Variants in USP33 observed in about 807,000 individuals in gnomAD.
USP33 encodes ubiquitin carboxyl-terminal hydrolase 33.
In USP33, 46 loss-of-function variants were observed where a neutral mutation model predicts 124.2. The ratio of observed to expected loss-of-function variants is 0.37; its 90% CI spans 0.29 to 0.47. The LOEUF (loss-of-function observed/expected upper bound fraction) is 0.47. Among genes scored for constraint, USP33 ranks in the 20% least tolerant of loss-of-function variants. USP33 has a pLI of 0.99. For missense variants in USP33, 851 were observed against 1,070.6 expected (o/e 0.79, Z 2.86); for synonymous variants, 350 against 352.3 (o/e 0.99, Z 0.07).
intron 19 of USP33, 22 bp from the exon 20 acceptor site, chr1:77,713,303 T>G: frequency 6.4e-7 from 1 of 1,551,922 alleles, no homozygotes. Flanking sequence ...TATAAACATA[T>G]CTGTTTCATG....
rs1422663979 is a variant in USP33, at chr1:77,701,443, G to T, written c.2435C>A (p.Ser812Tyr). ...ACTGATGCAATAAAAAGTAGCTGGAGAGTCCTCTTTTTGGAACGCTCTGTT... is the reference window on the plus strand; with the variant it reads ...ACTGATGCAATAAAAAGTAGCTGGATAGTCCTCTTTTTGGAACGCTCTGTT... ...RLNRAFQKEDSPATFYCISMQ... is the reference protein window; with the variant it reads ...RLNRAFQKEDYPATFYCISMQ... The change falls in exon 22 of 24, where the codon TCT becomes TAT. Residue 812 changes from serine (S) to tyrosine (Y), a missense_variant. Coordinates refer to ENST00000370794, the MANE Select transcript of USP33 (RefSeq NM_201624.3). The T allele has an allele frequency of 6.2e-7, 1 of 1,612,860 alleles. No individual in the cohort carries two copies. The highest frequency in any genetic ancestry group is 1.7e-5 in the Admixed American group (1 of 59,760).
At chr1:77,709,457 G>C (rs1474510853) in intron 21 of USP33, among the ~76,000 whole-genome samples, 2 of 152,024 alleles carry the variant, frequency 1.3e-5, no homozygotes, top group Admixed American at 1.3e-4. Context: ...CAAGGTTACA[G>C]TGAACTATGA....
At chr1:77,712,986 T>C (rs1675439345) in intron 20 of USP33, among the ~76,000 whole-genome samples, 1 of 152,248 alleles carries the variant, frequency 6.6e-6, no homozygotes, top group Non-Finnish European at 1.5e-5. Flanking sequence ...TACCACAGCA[T>C]ACCTTCACAG....
chr1:77,733,934 T>C (rs539555177), intron 7 of USP33, among the ~76,000 whole-genome samples: 21 of 152,128 alleles, frequency 1.4e-4, no homozygotes, highest in Non-Finnish European at 2.8e-4. Context: ...ACTCAATGCA[T>C]CCAAACTTGA....
At chr1:77,727,025 A>C (rs1424344857) in intron 10 of USP33, among the ~76,000 whole-genome samples, 1 of 152,224 alleles carries the variant, frequency 6.6e-6, no homozygotes, top group African/African-American at 2.4e-5. Context: ...ATAATGCAAA[A>C]TCATTTTTCA....
chr1:77,708,481 G>A (rs1361420054), intron 21 of USP33, among the ~76,000 whole-genome samples: 1 of 152,144 alleles, frequency 6.6e-6, no homozygotes, highest in Non-Finnish European at 1.5e-5. Flanking sequence ...GCGTCCTCTT[G>A]AATAATTCAC....
chr1:77,701,551 G>T, intron 21 of USP33, 80 bp from the exon 22 acceptor site: 1 of 1,190,566 alleles, frequency 8.4e-7, no homozygotes, highest in Non-Finnish European at 1.2e-6. Flanking sequence ...CCACTTCAGT[G>T]TTTGATAACT....
intron 1 of USP33, among the ~76,000 whole-genome samples, chr1:77,748,542 G>A (rs1362733155): frequency 2.0e-5 from 3 of 151,834 alleles, no homozygotes; most frequent in South Asian, 2.1e-4. Flanking sequence ...GGTGGCAGGC[G>A]CCTGTAGTCC....
chr1:77,749,642 A>G (rs1241692557), intron 1 of USP33, among the ~76,000 whole-genome samples: 3 of 152,276 alleles, frequency 2.0e-5, no homozygotes, highest in East Asian at 3.9e-4. Flanking sequence ...TCAGCCTCCC[A>G]AAGTGCCGGA....
intron 1 of USP33, chr1:77,746,262 A>C (rs1342440047): frequency 1.3e-5 from 2 of 152,238 alleles, no homozygotes; most frequent in Non-Finnish European, 2.9e-5. Context: ...ACCTCTACGC[A>C]AATAAACCAG....
chr1:77,705,166 A>G (rs1399568893), intron 21 of USP33, among the ~76,000 whole-genome samples: 1 of 150,568 alleles, frequency 6.6e-6, no homozygotes, highest in African/African-American at 2.4e-5. Context: ...CCCTAATATT[A>G]TAGAATAATA....
intron 1 of USP33, among the ~76,000 whole-genome samples, chr1:77,755,622 C>T (rs1570883979): frequency 6.6e-6 from 1 of 152,186 alleles, no homozygotes; most frequent in African/African-American, 2.4e-5. Flanking sequence ...TGCTTGAACG[C>T]AGGAGGTGGA....
chr1:77,722,209 T>C lies in USP33; in HGVS notation c.1390-13A>G. 6.2e-7 allele frequency: 1 copy of C among 1,600,158 alleles called. No homozygotes were observed. Among genetic ancestry groups the C allele is most frequent in the African/African-American group, 1.3e-5 (1 of 74,404 alleles). On this transcript the variant is annotated splice_polypyrimidine_tract_variant and intron_variant, in intron 12 of 23. Transcript: ENST00000370794. Reference sequence around the variant, plus strand: ...GGGTTACAGACACCTAAAATTGTTTTGTGTTTTAAAAATGGGATGAACATA... The same window carrying C: ...GGGTTACAGACACCTAAAATTGTTTCGTGTTTTAAAAATGGGATGAACATA...
intron 22 of USP33, among the ~76,000 whole-genome samples, chr1:77,701,041 A>G (rs1039419980): frequency 2.0e-5 from 3 of 152,194 alleles, no homozygotes; most frequent in Non-Finnish European, 4.4e-5. Flanking sequence ...ATATTGTCAT[A>G]CAATTTTACT....
rs1677317792 is a variant in USP33 at position 77,727,665 on chromosome 1, CTTATT to C, written c.1135+625_1135+629del. On this transcript the variant is annotated intron_variant, in intron 10 of 23. Transcript: ENST00000370794. The stretch of plus-strand genomic sequence containing the variant: ...ACTTTTTTACATTACATGTCTGCCA[CTTATT>C]TTAAGATCACATAATTTGAACCTCT... Among the ~76,000 whole-genome samples, 5 of 152,352 alleles carry C rather than the reference CTTATT, an allele frequency of 3.3e-5. 1 individual carries two copies. The Middle Eastern group carries it at 0.014, about 415-fold the overall frequency.
At chr1:77,727,944 T>C (rs1376024841) in intron 10 of USP33, among the ~76,000 whole-genome samples, 4 of 152,214 alleles carry the variant, frequency 2.6e-5, no homozygotes, top group African/African-American at 9.6e-5. Context: ...CTAGTGTATA[T>C]AATTAGAAAA....
At position 77,715,762 on chromosome 1, in the gene USP33, T is replaced by G; in HGVS notation, c.2025A>C (p.Glu675Asp). The change falls in exon 18 of 24, where the codon GAA becomes GAC. Residue 675 changes from glutamate (E) to aspartate (D), a missense_variant. By Grantham distance (45) the Glu-to-Asp change is conservative. Coordinates refer to ENST00000370794, the MANE Select transcript of USP33 (RefSeq NM_201624.3). ...ATTACCTATAGAAAAGAACGTAAGC[T>G]TCTGCATTTTGTACAGTAGATTCTG... The part of the protein sequence containing the change: ...EVSESTVQNA[E>D]AYVLFYRKSS... The G allele has an allele frequency of 6.2e-7, 1 of 1,613,646 alleles. No individual in the cohort carries two copies. Among genetic ancestry groups the G allele is most frequent in the Non-Finnish European group, 8.5e-7 (1 of 1,179,894 alleles).
intron 5 of USP33, among the ~76,000 whole-genome samples, chr1:77,737,218 T>A (rs958035106): frequency 6.6e-6 from 1 of 152,192 alleles, no homozygotes; most frequent in African/African-American, 2.4e-5. Context: ...TAGCATGTAC[T>A]CTGGTTCTCC....
At chr1:77,748,776 CCCT>C (rs1679993916) in intron 1 of USP33, among the ~76,000 whole-genome samples, 1 of 15,678 alleles carries the variant, frequency 6.4e-5, no homozygotes, top group Non-Finnish European at 1.1e-4. Context: ...AGCATTCCTT[CCCT>C]CCCCCCCCCC....
Sources: allele counts gnomAD v4.1 joint callset (sites outside exome capture counted in the v4.1 genomes callset), GRCh38; gene constraint gnomAD v4.1.1; transcripts MANE v1.5; gene names NCBI Gene and HGNC (gene_info 2026-07-23, HGNC 2026-07-21).